Variants in RGS7 observed in about 807,000 individuals in gnomAD.
RGS7 encodes regulator of G-protein signaling 7.
Under a neutral mutation model 81.1 loss-of-function variants are expected in RGS7, and 27 were observed. That is an observed-to-expected ratio of 0.33 (90% CI 0.25 to 0.46). RGS7 has a LOEUF of 0.46. Ranked by LOEUF, RGS7 falls within the 20% of genes least tolerant of loss-of-function variation. RGS7 has a pLI of 1.00. For missense variants in RGS7, 396 were observed against 607.4 expected, an observed-to-expected ratio of 0.65 and a Z score of 3.66; for synonymous variants, 208 against 207.7, an observed-to-expected ratio of 1.00 and a Z score of -0.01.
chr1:241,044,112 G>GTTTTTTTTT (rs11355364), intron 3 of RGS7, among the ~76,000 whole-genome samples: 5 of 121,072 alleles, frequency 4.1e-5, no homozygotes, highest in Non-Finnish European at 5.1e-5. Flanking sequence ...TGTTTTTTTT[G>GTTTTTTTTT]TTTTTTTTTT....
At chr1:241,349,971 G>T (rs539889220) in intron 2 of RGS7, among the ~76,000 whole-genome samples, 7 of 152,032 alleles carry the variant, frequency 4.6e-5, no homozygotes, top group Admixed American at 4.6e-4. Flanking sequence ...AAAATCCCTC[G>T]AGGGCTTCTC....
At chr1:241,306,483 C>T (rs146175381) in intron 2 of RGS7, among the ~76,000 whole-genome samples, 13 of 150,944 alleles carry the variant, frequency 8.6e-5, no homozygotes, top group South Asian at 4.2e-4. Flanking sequence ...CACACACACA[C>T]GCACACATTG....
intron 18 of RGS7, among the ~76,000 whole-genome samples, chr1:240,778,594 G>A (rs1003150284): frequency 4.6e-5 from 7 of 152,156 alleles, no homozygotes; most frequent in African/African-American, 9.7e-5. Flanking sequence ...GTGCAGTGGC[G>A]AAATCTCGGC....
At chr1:241,266,219 T>A (rs2077586310) in intron 2 of RGS7, among the ~76,000 whole-genome samples, 1 of 152,222 alleles carries the variant, frequency 6.6e-6, no homozygotes, top group Non-Finnish European at 1.5e-5. Flanking sequence ...GAGGGCCACT[T>A]GCCATTTTCA....
At chr1:240,912,509 G>A (rs1671936792) in intron 6 of RGS7, among the ~76,000 whole-genome samples, 1 of 152,122 alleles carries the variant, frequency 6.6e-6, no homozygotes, top group African/African-American at 2.4e-5. Flanking sequence ...TCACAGGCAA[G>A]TCAGGGCCAC....
intron 6 of RGS7, among the ~76,000 whole-genome samples, chr1:240,929,900 T>C (rs193147547): frequency 1.3e-5 from 2 of 152,330 alleles, no homozygotes; most frequent in Admixed American, 1.3e-4. Flanking sequence ...CTACAGTAAC[T>C]CCTTCTGTAT....
At chr1:241,036,899 A>C (rs1021077017) in intron 3 of RGS7, among the ~76,000 whole-genome samples, 1 of 152,172 alleles carries the variant, frequency 6.6e-6, no homozygotes, top group African/African-American at 2.4e-5. Context: ...GTTGCACTCC[A>C]CTAACAAGAA....
At chr1:241,010,534 T>C (rs1158413836) in intron 3 of RGS7, among the ~76,000 whole-genome samples, 1 of 152,222 alleles carries the variant, frequency 6.6e-6, no homozygotes, top group African/African-American at 2.4e-5. Context: ...TGCTGATCGT[T>C]TGTAACATGC....
At chr1:241,091,795 G>A (rs2063903894) in intron 3 of RGS7, among the ~76,000 whole-genome samples, 4 of 151,984 alleles carry the variant, frequency 2.6e-5, no homozygotes, top group African/African-American at 7.2e-5. Context: ...GCTAAGGCAG[G>A]AAGATTGCTT....
chr1:241,247,859 C>T (rs2076624637), intron 2 of RGS7, among the ~76,000 whole-genome samples: 1 of 152,144 alleles, frequency 6.6e-6, no homozygotes, highest in Admixed American at 6.5e-5. Context: ...TGTAGGCTTT[C>T]CTGATAAATG....
intron 3 of RGS7, among the ~76,000 whole-genome samples, chr1:240,989,149 A>T (rs1186214151): frequency 6.6e-6 from 1 of 151,826 alleles, no homozygotes; most frequent in Non-Finnish European, 1.5e-5. Flanking sequence ...GTATTAAGAT[A>T]CCCAATCAGG....
At chr1:241,328,116 T>C (rs1405989447) in intron 2 of RGS7, among the ~76,000 whole-genome samples, 2 of 152,172 alleles carry the variant, frequency 1.3e-5, no homozygotes, top group Non-Finnish European at 2.9e-5. Flanking sequence ...ATTTGGAATG[T>C]AGATTTTGCT....
chr1:241,089,020 C>CCTCT lies in RGS7; in HGVS notation c.175+9645_175+9646insAGAG, dbSNP rs1491281246. ...CAGCCTGGGCCACAGAGCAAGACTCCATCTCTCTCTCTCTCTCTCTCTCTC... is the reference window on the plus strand; with the variant it reads ...CAGCCTGGGCCACAGAGCAAGACTCCCTCTATCTCTCTCTCTCTCTCTCTCTCTC... On this transcript the variant is annotated intron_variant, in intron 3 of 18. Transcript: ENST00000440928. Among the ~76,000 whole-genome samples the CCTCT allele has an allele frequency of 7.3e-4, 33 of 45,438 alleles. 2 individuals carry two copies. The highest frequency in any genetic ancestry group is 2.4e-3 in the African/African-American group (20 of 8,460). The allele number at this position is 45,438 out of a possible 152,430, so 29.8% of individuals were successfully genotyped here. A position where few individuals can be genotyped will look rare whatever the true frequency, so the allele number is the denominator to read the frequency against.
Position 241,192,252 on chromosome 1 carries a change from C to CGTGTGTGTGT in RGS7, c.79-93500_79-93491dup, listed in dbSNP as rs56677676. 6.3e-3 allele frequency among the ~76,000 whole-genome samples: 790 copies of CGTGTGTGTGT among 124,750 alleles called. 12 individuals carry two copies. Among genetic ancestry groups the CGTGTGTGTGT allele is most frequent in the African/African-American group, 0.024 (755 of 31,116 alleles). 81.8% of individuals were successfully genotyped at this position (124,750 alleles called of 152,430 possible). On this transcript the variant is annotated intron_variant, in intron 2 of 18. Transcript: ENST00000440928. ...GGCTTGGTTTTATTTTCTGTCTGCA[C>CGTGTGTGTGT]GTGTGTGTGTGTGTGTGTGTGTGTG...
chr1:241,236,110 A>T (rs985341422), intron 2 of RGS7, among the ~76,000 whole-genome samples: 1 of 152,026 alleles, frequency 6.6e-6, no homozygotes, highest in Non-Finnish European at 1.5e-5. Context: ...GAGAATACTT[A>T]AGAGAAAGTT....
At chr1:240,892,749 A>G (rs1438893972) in intron 6 of RGS7, among the ~76,000 whole-genome samples, 5 of 151,718 alleles carry the variant, frequency 3.3e-5, no homozygotes, top group Non-Finnish European at 7.4e-5. Flanking sequence ...CCTCACTTCT[A>G]TTTTCCATGA....
chr1:240,926,844 A>G (rs1674524110), intron 6 of RGS7, among the ~76,000 whole-genome samples: 1 of 152,248 alleles, frequency 6.6e-6, no homozygotes, highest in African/African-American at 2.4e-5. Flanking sequence ...GAGTTTATAA[A>G]GATATAGGCC....
chr1:241,224,300 C>G (rs925808098), intron 2 of RGS7, among the ~76,000 whole-genome samples: 1 of 146,630 alleles, frequency 6.8e-6, no homozygotes, highest in African/African-American at 2.5e-5. Flanking sequence ...CCTATGTCCA[C>G]GTGTTCTCAT....
intron 18 of RGS7, among the ~76,000 whole-genome samples, chr1:240,792,570 C>G (rs1021707372): frequency 6.6e-6 from 1 of 152,166 alleles, no homozygotes. Flanking sequence ...CTCTCTCTCT[C>G]CTGCAGGGCC....
Sources: gnomAD v4.1 joint callset for allele counts (sites outside exome capture counted in the v4.1 genomes callset) on GRCh38, gnomAD v4.1.1 for gene constraint, MANE v1.5 for transcripts, NCBI Gene and HGNC (gene_info 2026-07-23, HGNC 2026-07-21) for gene names.